The following SLC35F1 variants were observed in gnomAD, a reference collection of about 807,000 sequenced individuals.
SLC35F1 encodes the protein solute carrier family 35 member F1.
Under a neutral mutation model 48.7 loss-of-function variants are expected in SLC35F1, and 14 were observed. The observed-to-expected ratio is 0.29, with a 90% confidence interval of 0.19 to 0.45. The LOEUF is 0.45. Ranked by LOEUF, SLC35F1 falls within the 20% of genes least tolerant of loss-of-function variation. The pLI is 1.00. For synonymous variants in SLC35F1, 190 were observed against 202.2 expected, an observed-to-expected ratio of 0.94 and a Z score of 0.51; for missense variants, 404 against 500.0, an observed-to-expected ratio of 0.81 and a Z score of 1.83.
At chr6:118,242,920 A>AGAGC in intron 3 of SLC35F1, among the ~76,000 whole-genome samples, 1 of 152,174 alleles carries the variant, frequency 6.6e-6, no homozygotes, top group African/African-American at 2.4e-5. Context: ...CACAGTGCAT[A>AGAGC]TTTCACAGCT....
chr6:118,019,865 C>G (rs554403469), intron 1 of SLC35F1, among the ~76,000 whole-genome samples: 2 of 152,084 alleles, frequency 1.3e-5, no homozygotes, highest in East Asian at 1.9e-4. Flanking sequence ...TTCTGTGGTC[C>G]CTATTTCAGC....
At chr6:118,231,883 G>A (rs17079865) in intron 2 of SLC35F1, among the ~76,000 whole-genome samples, 2,060 of 152,254 alleles carry the variant, frequency 0.014, 56 homozygotes, top group African/African-American at 0.046. Context: ...GCAGTGTGAA[G>A]GTTAAATATG....
intron 7 of SLC35F1, among the ~76,000 whole-genome samples, chr6:118,286,050 T>C (rs1227177808): frequency 6.6e-6 from 1 of 152,138 alleles, no homozygotes; most frequent in African/African-American, 2.4e-5. Flanking sequence ...CTGCTGCCAA[T>C]AACAATCAAT....
Position 118,314,013 on chromosome 6 carries a change from G to A in SLC35F1, c.1003-15G>A. The A allele has an allele frequency of 1.9e-6, 3 of 1,613,298 alleles. No homozygotes were observed. Among genetic ancestry groups the A allele is most frequent in the Non-Finnish European group, 2.5e-6 (3 of 1,179,232 alleles). On this transcript the variant is annotated splice_polypyrimidine_tract_variant and intron_variant, in intron 7 of 7. Coordinates refer to ENST00000360388, the MANE Select transcript of SLC35F1 (RefSeq NM_001029858.4). ...GCCCTGGCTGTCAAATGACTTTACT[G>A]TTGTGTTTTTTTAGTTTTCAGGACT...
chr6:118,226,035 G>A lies in SLC35F1; in HGVS notation c.350-9474G>A, dbSNP rs117139581. The stretch of plus-strand genomic sequence containing the variant: ...ATAAACAACTAAATAGCAAAATGTC[G>A]AATAATTTGATTTTAAAATGGGAAA... On this transcript the variant is annotated intron_variant, in intron 2 of 7. Coordinates refer to ENST00000360388, the MANE Select transcript of SLC35F1 (RefSeq NM_001029858.4). Among the ~76,000 whole-genome samples the A allele has an allele frequency of 8.9e-3, 1,355 of 152,116 alleles. 8 individuals are homozygous for A. The highest frequency in any genetic ancestry group is 0.013 in the Non-Finnish European group (872 of 67,992).
chr6:118,127,234 A>T (rs899894383), intron 1 of SLC35F1, among the ~76,000 whole-genome samples: 7 of 152,014 alleles, frequency 4.6e-5, no homozygotes, highest in South Asian at 2.1e-4. Context: ...ATCTATTGAG[A>T]TAATCATGTG....
intron 2 of SLC35F1, among the ~76,000 whole-genome samples, chr6:118,166,268 G>A (rs550064353): frequency 3.3e-5 from 5 of 152,272 alleles, no homozygotes; most frequent in African/African-American, 1.2e-4. Context: ...ATTTGAGAAG[G>A]GGAGAAGGCC....
At chr6:117,963,310 G>A (rs1390919749) in intron 1 of SLC35F1, among the ~76,000 whole-genome samples, 1 of 151,344 alleles carries the variant, frequency 6.6e-6, no homozygotes, top group East Asian at 1.9e-4. Context: ...AAAGTAAATA[G>A]TAAATACTTA....
chr6:118,037,912 T>A (rs1336030079), intron 1 of SLC35F1, among the ~76,000 whole-genome samples: 1 of 152,128 alleles, frequency 6.6e-6, no homozygotes. Flanking sequence ...GACAAATACC[T>A]AATGCATGCA....
At chr6:117,990,636 C>T (rs775641944) in intron 1 of SLC35F1, among the ~76,000 whole-genome samples, 4 of 152,212 alleles carry the variant, frequency 2.6e-5, no homozygotes, top group Non-Finnish European at 2.9e-5. Context: ...TAGAATTACT[C>T]TGTGAGCAAG....
chr6:118,146,575 TA>T (rs1316836197), intron 1 of SLC35F1, among the ~76,000 whole-genome samples: 1 of 152,160 alleles, frequency 6.6e-6, no homozygotes, highest in Non-Finnish European at 1.5e-5. Context: ...TGTCCACTTT[TA>T]AAAACTAAAA....
chr6:118,283,328 C>G lies in SLC35F1; in HGVS notation c.848-1856C>G, dbSNP rs142694737. Among the ~76,000 whole-genome samples the G allele has an allele frequency of 3.4e-3, 520 of 152,302 alleles. 3 individuals are homozygous for G. Among genetic ancestry groups the G allele is most frequent in the African/African-American group, 0.012 (498 of 41,554 alleles). ...GTCTAAAGCAAGCTCCTGACATTCT[C>G]TTTAAGAAACACTTGTCTTTCTGCA... On this transcript the variant is annotated intron_variant, in intron 6 of 7. Coordinates refer to ENST00000360388, the MANE Select transcript of SLC35F1 (RefSeq NM_001029858.4).
rs150434656 is a variant in SLC35F1 at position 118,065,746 on chromosome 6, T to A, written c.174-88699T>A. On this transcript the variant is annotated intron_variant, in intron 1 of 7. Coordinates refer to ENST00000360388, the MANE Select transcript of SLC35F1 (RefSeq NM_001029858.4). ...ATAATGCAGATTACTTTCATAAAGATTAGGTAATGATCTGTCACCATAGAC... is the reference window on the plus strand; with the variant it reads ...ATAATGCAGATTACTTTCATAAAGAATAGGTAATGATCTGTCACCATAGAC... Among the ~76,000 whole-genome samples the A allele has an allele frequency of 7.6e-3, 1,164 of 152,312 alleles. 13 individuals carry two copies. The highest frequency in any genetic ancestry group is 0.024 in the East Asian group (125 of 5,184).
intron 6 of SLC35F1, among the ~76,000 whole-genome samples, chr6:118,282,754 G>T (rs1249285722): frequency 2.6e-5 from 4 of 152,122 alleles, no homozygotes; most frequent in Non-Finnish European, 5.9e-5. Context: ...CATCCTCCAT[G>T]CTCTCCTTTC....
intron 2 of SLC35F1, among the ~76,000 whole-genome samples, chr6:118,215,720 G>T (rs946114008): frequency 1.3e-5 from 2 of 152,170 alleles, no homozygotes; most frequent in South Asian, 4.1e-4. Context: ...TAACTTTGCA[G>T]CTTGTAGTTG....
chr6:118,126,032 C>T (rs1245726631), intron 1 of SLC35F1, among the ~76,000 whole-genome samples: 1 of 152,154 alleles, frequency 6.6e-6, no homozygotes, highest in African/African-American at 2.4e-5. Flanking sequence ...TGGATTAGAA[C>T]ATTTTTTAAA....
intron 2 of SLC35F1, among the ~76,000 whole-genome samples, chr6:118,203,856 T>C (rs1025098401): frequency 2.0e-5 from 3 of 152,186 alleles, no homozygotes; most frequent in Non-Finnish European, 4.4e-5. Flanking sequence ...AAATAGGCTT[T>C]TGTGCACTCC....
intron 7 of SLC35F1, among the ~76,000 whole-genome samples, chr6:118,309,169 A>AT (rs1776344271): frequency 6.8e-6 from 1 of 148,104 alleles, no homozygotes; most frequent in African/African-American, 2.5e-5. Context: ...GGGCCTGTAG[A>AT]TGTGTGTGTG....
intron 1 of SLC35F1, among the ~76,000 whole-genome samples, chr6:117,917,141 T>C (rs765807557): frequency 6.6e-5 from 10 of 152,036 alleles, no homozygotes; most frequent in Non-Finnish European, 1.5e-4. Flanking sequence ...AAGATTAGAA[T>C]AGCCAAAAGG....
Sources: allele counts gnomAD v4.1 joint callset (sites outside exome capture counted in the v4.1 genomes callset), GRCh38; gene constraint gnomAD v4.1.1; transcripts MANE v1.5; gene names NCBI Gene and HGNC (gene_info 2026-07-23, HGNC 2026-07-21).